MYO16: variants seen among roughly 807,000 people sequenced by gnomAD.
MYO16 encodes the protein unconventional myosin-XVI.
In MYO16, 94 loss-of-function variants were observed where a neutral mutation model predicts 205.3. The ratio of observed to expected loss-of-function variants is 0.46; its 90% CI spans 0.39 to 0.54. The LOEUF (loss-of-function observed/expected upper bound fraction) is 0.54, where lower values mean the gene tolerates loss of function less well. Ranked by LOEUF, MYO16 falls within the 20% of genes least tolerant of loss-of-function variation. MYO16 has a pLI of 0.00. For synonymous variants in MYO16, 988 were observed against 954.0 expected (o/e 1.04, Z -0.66); for missense variants, 2,315 against 2,387.5 (o/e 0.97, Z 0.63).
At chr13:108,985,478 C>T (rs277797) in intron 20 of MYO16, among the ~76,000 whole-genome samples, 1,747 of 152,260 alleles carry the variant, frequency 0.011, 29 homozygotes, top group African/African-American at 0.04. Context: ...GCTTTGACAG[C>T]GTAGCATGTA....
intron 2 of MYO16, among the ~76,000 whole-genome samples, chr13:108,671,009 G>A (rs1005969034): frequency 2.6e-5 from 4 of 152,122 alleles, no homozygotes; most frequent in African/African-American, 9.7e-5. Flanking sequence ...TTGGTATAAA[G>A]ACACTAAAAT....
chr13:108,547,035 G>A, the MYO16 span, among the ~76,000 whole-genome samples: 2 of 152,094 alleles, frequency 1.3e-5, no homozygotes, highest in Non-Finnish European at 2.9e-5. Context: ...CACTTTGGGA[G>A]GCCGACGTGG....
At chr13:108,824,384 C>A (rs1291052877) in intron 9 of MYO16, among the ~76,000 whole-genome samples, 1 of 151,958 alleles carries the variant, frequency 6.6e-6, no homozygotes, top group Non-Finnish European at 1.5e-5. Context: ...GTACAAAAAG[C>A]AAATATATGA....
chr13:109,071,160 T>C lies in MYO16; in HGVS notation c.3335+15565T>C, dbSNP rs557908010. Among the ~76,000 whole-genome samples the C allele has an allele frequency of 1.8e-3, 272 of 152,312 alleles. 3 individuals are homozygous for C. Among genetic ancestry groups the C allele is most frequent in the African/African-American group, 6.1e-3 (255 of 41,580 alleles). On this transcript the variant is annotated intron_variant, in intron 27 of 34. Transcript: ENST00000457511. The stretch of plus-strand genomic sequence containing the variant: ...AATCCATATTTTTTTAAAAAACACG[T>C]CATTTGCTAAAGAATGAAAAGGATG...
At chr13:109,067,709 C>T (rs1296494509) in intron 27 of MYO16, among the ~76,000 whole-genome samples, 1 of 152,098 alleles carries the variant, frequency 6.6e-6, no homozygotes. Context: ...AAAAACAACC[C>T]AGTTAATTTT....
At position 108,633,189 on chromosome 13, in the gene MYO16, A is replaced by T. The variant is rs566391672; in HGVS notation, c.28+3317A>T. ...TGTTACTTTATATGTTGTATTAGTC[A>T]GGGCTTTCTTGAGGGGCAGAACTAA... On this transcript the variant is annotated intron_variant, in intron 1 of 34. Coordinates refer to ENST00000457511, the MANE Select transcript of MYO16 (RefSeq NM_001198950.3). Among the ~76,000 whole-genome samples, 122 of 152,306 alleles carry T rather than the reference A, an allele frequency of 8.0e-4. 2 individuals are homozygous for T. The highest frequency in any genetic ancestry group is 2.8e-3 in the African/African-American group (115 of 41,574).
In MYO16 at chr13:109,206,784, A is replaced by T. The variant is rs1331741246; in HGVS notation, c.5591A>T (p.Glu1864Val). 1.2e-6 allele frequency: 2 copies of T among 1,614,176 alleles called. No individual in the cohort carries two copies. The highest frequency in any genetic ancestry group is 8.5e-7 in the Non-Finnish European group (1 of 1,180,026). The change falls in exon 35 of 35, where the codon GAA (glutamate) becomes GTA (valine). Residue 1864 changes from glutamate (E) to valine (V), a missense_variant. Physicochemically the swap from Glu to Val is moderately radical, Grantham distance 121. This residue lies in a region of MYO16 where 1,097 missense variants were observed against 1,092.0 expected (regional missense o/e 1.00). Transcript: ENST00000457511. Reference sequence around the variant, plus strand: ...AAGCCCAGCCTTCTGAAGAAGCCGGAAGGGGCCTCCTGCAACAGGCTGCCG... The same window carrying T: ...AAGCCCAGCCTTCTGAAGAAGCCGGTAGGGGCCTCCTGCAACAGGCTGCCG... ...CKKPSLLKKP[E>V]GASCNRLPSE... is the part of the protein sequence containing the mutation.
chr13:109,110,948 T>A (rs1392359270), intron 28 of MYO16, among the ~76,000 whole-genome samples: 2 of 152,070 alleles, frequency 1.3e-5, no homozygotes, highest in Non-Finnish European at 2.9e-5. Flanking sequence ...AACATTTGAT[T>A]TACGAATGGA....
rs377258744 is a variant in MYO16 at position 108,771,305 on chromosome 13, C to A, written c.508-14330C>A. Among the ~76,000 whole-genome samples the A allele has an allele frequency of 2.6e-5, 4 of 152,170 alleles. No individual in the cohort carries two copies. In the East Asian group the frequency reaches 7.7e-4, roughly 29 times the overall value. On this transcript the variant is annotated intron_variant, in intron 4 of 34. Coordinates refer to ENST00000457511, the MANE Select transcript of MYO16 (RefSeq NM_001198950.3). ...AACATCCACTCATAGAGCTTATTTT[C>A]TACTTTTCCTTTTATGTGAGATGCC...
intron 4 of MYO16, among the ~76,000 whole-genome samples, chr13:108,742,046 G>A (rs1594256729): frequency 1.3e-5 from 2 of 152,138 alleles, no homozygotes; most frequent in East Asian, 3.8e-4. Flanking sequence ...AAGCTGGAGT[G>A]CAGTAGCATG....
chr13:108,579,571 G>C, the MYO16 span, among the ~76,000 whole-genome samples: 1 of 151,494 alleles, frequency 6.6e-6, no homozygotes, highest in South Asian at 2.1e-4. Context: ...CTCCTAAGTA[G>C]CTGGGATTAC....
Position 108,719,927 on chromosome 13 carries a change from A to G in MYO16, c.363+7196A>G, listed in dbSNP as rs1230782389. 2.6e-5 allele frequency among the ~76,000 whole-genome samples: 4 copies of G among 152,302 alleles called. No individual in the cohort carries two copies. In the East Asian group the frequency reaches 7.7e-4, roughly 29 times the overall value. On this transcript the variant is annotated intron_variant, in intron 3 of 34. Transcript: ENST00000457511. ...AATCTAGAGAATTTAAAATGCAGCA[A>G]ACCAGTGCTGCTGATGAAGGAGATT...
chr13:109,015,407 A>T (rs564937874), intron 22 of MYO16, among the ~76,000 whole-genome samples: 1 of 152,212 alleles, frequency 6.6e-6, no homozygotes, highest in African/African-American at 2.4e-5. Flanking sequence ...CATCAGGGCT[A>T]TTGGTCTAAA....
chr13:109,168,346 T>C (rs1878777368), intron 33 of MYO16, among the ~76,000 whole-genome samples: 2 of 152,050 alleles, frequency 1.3e-5, no homozygotes, highest in African/African-American at 4.8e-5. Context: ...AAAGAGTAAA[T>C]GTAAAGGGAT....
chr13:108,747,298 C>G (rs1160350188), intron 4 of MYO16, among the ~76,000 whole-genome samples: 1 of 136,146 alleles, frequency 7.3e-6, no homozygotes, highest in Non-Finnish European at 1.6e-5. Context: ...CGAAATTCAT[C>G]TAAAAATGTC....
chr13:108,894,208 C>T (rs1324033327), intron 14 of MYO16, among the ~76,000 whole-genome samples: 1 of 152,128 alleles, frequency 6.6e-6, no homozygotes, highest in African/African-American at 2.4e-5. Context: ...GCCCCCATGA[C>T]TCAATCACCC....
At position 109,202,407 on chromosome 13, in the gene MYO16, A is replaced by T. The variant is rs111994803; in HGVS notation, c.5416-4202A>T. 5.4e-3 allele frequency among the ~76,000 whole-genome samples: 823 copies of T among 152,162 alleles called. 9 individuals carry two copies. Among genetic ancestry groups the T allele is most frequent in the African/African-American group, 0.018 (762 of 41,518 alleles). On this transcript the variant is annotated intron_variant, in intron 34 of 34. Coordinates refer to ENST00000457511, the MANE Select transcript of MYO16 (RefSeq NM_001198950.3). The stretch of plus-strand genomic sequence containing the variant: ...TTGATAATGGCTATTCTTGTGGGAG[A>T]AAGGTGGTATCACATTCTGGTTTTG...
rs1250720805 is a variant in MYO16, at chr13:108,652,832, A to T, written c.29-13054A>T. 2.0e-5 allele frequency among the ~76,000 whole-genome samples: 3 copies of T among 152,342 alleles called. No homozygotes were observed. The East Asian group carries it at 5.8e-4, about 29-fold the overall frequency. On this transcript the variant is annotated intron_variant, in intron 1 of 34. Coordinates refer to ENST00000457511, the MANE Select transcript of MYO16 (RefSeq NM_001198950.3). Reference sequence around the variant, plus strand: ...CTGCTTCCACTTCTTGGCAATTTTGAATAGAGCTTTTGTAAACGTGGGTAT... The same window carrying T: ...CTGCTTCCACTTCTTGGCAATTTTGTATAGAGCTTTTGTAAACGTGGGTAT...
intron 16 of MYO16, among the ~76,000 whole-genome samples, chr13:108,955,343 G>T (rs946406254): frequency 6.6e-6 from 1 of 152,054 alleles, no homozygotes; most frequent in African/African-American, 2.4e-5. Flanking sequence ...TATCTCAGCA[G>T]ATTCATATTC....
Sources: gnomAD v4.1 joint callset for allele counts (sites outside exome capture counted in the v4.1 genomes callset) on GRCh38, gnomAD v4.1.1 for gene constraint, gnomAD v4.1.1 regional missense constraint, MANE v1.5 for transcripts, NCBI Gene and HGNC (gene_info 2026-07-23, HGNC 2026-07-21) for gene names.